Variants in AGTPBP1 observed in about 807,000 individuals in gnomAD.
AGTPBP1 encodes the protein ATP/GTP binding carboxypeptidase 1.
AGTPBP1 carries 70 observed loss-of-function variants against 143.9 expected under a neutral mutation model. The observed-to-expected ratio is 0.49, with a 90% CI of 0.40 to 0.59. The LOEUF (loss-of-function observed/expected upper bound fraction) is 0.59, where lower values mean the gene tolerates loss of function less well. AGTPBP1 is among the 20% of genes least tolerant of loss of function. The pLI is 0.00. For missense variants in AGTPBP1, 1,229 were observed against 1,464.5 expected (o/e 0.84, Z 2.62); for synonymous variants, 463 against 500.2 (o/e 0.93, Z 0.99).
chr9:85,562,273 T>G (rs1587629869), intron 25 of AGTPBP1, among the ~76,000 whole-genome samples: 1 of 144,238 alleles, frequency 6.9e-6, no homozygotes, highest in Admixed American at 6.8e-5. Context: ...AGAAAGCAAA[T>G]AATAATCTGG....
At chr9:85,706,838 T>G (rs1837042654) in intron 2 of AGTPBP1, among the ~76,000 whole-genome samples, 1 of 152,064 alleles carries the variant, frequency 6.6e-6, no homozygotes, top group Admixed American at 6.5e-5. Flanking sequence ...ATCGCGCCAC[T>G]GCACTCCAGC....
At chr9:85,554,927 A>C (rs1247292374) in intron 25 of AGTPBP1, among the ~76,000 whole-genome samples, 4 of 152,220 alleles carry the variant, frequency 2.6e-5, no homozygotes, top group Non-Finnish European at 5.9e-5. Flanking sequence ...AACTGAAATT[A>C]AGAACTCAAA....
chr9:85,664,780 TA>T (rs1385772920), intron 8 of AGTPBP1, among the ~76,000 whole-genome samples: 2 of 152,192 alleles, frequency 1.3e-5, no homozygotes, highest in Non-Finnish European at 2.9e-5. Context: ...TTAATCATGT[TA>T]AGAAGGTCTC....
chr9:85,578,880 T>G (rs748311242), intron 24 of AGTPBP1, 40 bp downstream of exon 24: 33 of 1,589,442 alleles, frequency 2.1e-5, no homozygotes, highest in Middle Eastern at 1.7e-4. Flanking sequence ...AGGAAAGTCT[T>G]CAAATATCTT....
chr9:85,627,403 T>C (rs1049154547), intron 14 of AGTPBP1, among the ~76,000 whole-genome samples: 4 of 152,196 alleles, frequency 2.6e-5, no homozygotes, highest in African/African-American at 4.8e-5. Context: ...ATTTCTGCCA[T>C]ACACATATGT....
At chr9:85,619,153 A>G in intron 16 of AGTPBP1, 22 bp from the exon 17 acceptor site, 1 of 1,611,146 alleles carries the variant, frequency 6.2e-7, no homozygotes, top group Non-Finnish European at 8.5e-7. Context: ...AGACAAAGAA[A>G]TCTGATGAAA....
chr9:85,726,976 T>C (rs1838534215), intron 1 of AGTPBP1, among the ~76,000 whole-genome samples: 1 of 152,076 alleles, frequency 6.6e-6, no homozygotes, highest in Non-Finnish European at 1.5e-5. Context: ...AAAGAGAAAC[T>C]GAAAAAAGTT....
At chr9:85,745,950 G>A (rs565538726), upstream of AGTPBP1, among the ~76,000 whole-genome samples, 3 of 152,282 alleles carry the variant, frequency 2.0e-5, no homozygotes, top group African/African-American at 4.8e-5. Flanking sequence ...GCTTGCACTG[G>A]TGAATGCCAG....
At chr9:85,692,662 A>G in intron 3 of AGTPBP1, 27 bp downstream of exon 3, 1 of 1,598,150 alleles carries the variant, frequency 6.3e-7, no homozygotes, top group African/African-American at 1.4e-5. Context: ...AAAGCATTTC[A>G]AAAACAAAGA....
the AGTPBP1 span, among the ~76,000 whole-genome samples, chr9:85,790,454 G>T: frequency 2.6e-5 from 4 of 152,110 alleles, no homozygotes. Context: ...CATACAAAGA[G>T]AAAGCATCAA....
intron 23 of AGTPBP1, among the ~76,000 whole-genome samples, chr9:85,585,186 G>A (rs745367780): frequency 6.6e-6 from 1 of 152,098 alleles, no homozygotes; most frequent in Non-Finnish European, 1.5e-5. Context: ...TGTAACAGAT[G>A]GCATCATCAA....
chr9:85,697,624 T>C (rs527247561), intron 2 of AGTPBP1, among the ~76,000 whole-genome samples: 1 of 151,850 alleles, frequency 6.6e-6, no homozygotes, highest in South Asian at 2.1e-4. Flanking sequence ...AGCTAACTTT[T>C]TGTATTTTTA....
intron 17 of AGTPBP1, among the ~76,000 whole-genome samples, chr9:85,618,668 A>G (rs928547543): frequency 2.0e-5 from 3 of 152,076 alleles, no homozygotes; most frequent in African/African-American, 7.2e-5. Flanking sequence ...ATAATATACC[A>G]TATTAACAGG....
At chr9:85,593,023 T>C (rs900415516) in intron 18 of AGTPBP1, among the ~76,000 whole-genome samples, 1 of 152,160 alleles carries the variant, frequency 6.6e-6, no homozygotes. Flanking sequence ...CAATGGCTAC[T>C]ACAATCAAGA....
the AGTPBP1 span, among the ~76,000 whole-genome samples, chr9:85,757,849 C>A: frequency 6.6e-6 from 1 of 151,994 alleles, no homozygotes; most frequent in East Asian, 1.9e-4. Context: ...ACTCTGGGAC[C>A]GATTTATTTT....
At chr9:85,683,156 A>G (rs1587894145) in intron 3 of AGTPBP1, among the ~76,000 whole-genome samples, 1 of 152,202 alleles carries the variant, frequency 6.6e-6, no homozygotes, top group East Asian at 1.9e-4. Flanking sequence ...TTAATGCTTA[A>G]AAGAATATAA....
chr9:85,740,593 T>C (rs544619752), intron 1 of AGTPBP1, among the ~76,000 whole-genome samples: 1 of 152,330 alleles, frequency 6.6e-6, no homozygotes, highest in South Asian at 2.1e-4. Flanking sequence ...CACAATACAA[T>C]TACAAAAATA....
At chr9:85,744,446 A>G (rs1409282968), upstream of AGTPBP1, among the ~76,000 whole-genome samples, 1 of 152,234 alleles carries the variant, frequency 6.6e-6, no homozygotes, top group African/African-American at 2.4e-5. Flanking sequence ...ATGTTGATCC[A>G]GGATTGTTTC....
rs146640096 is a variant in AGTPBP1, at chr9:85,655,655, T to C, written c.910-335A>G. Among the ~76,000 whole-genome samples the C allele has an allele frequency of 2.5e-3, 378 of 149,682 alleles. 2 individuals are homozygous for C. Among genetic ancestry groups the C allele is most frequent in the Non-Finnish European group, 4.4e-3 (297 of 67,672 alleles). On this transcript the variant is annotated intron_variant, in intron 10 of 25. Transcript: ENST00000357081. The stretch of plus-strand genomic sequence containing the variant: ...ATTTAAGGGAAAAGGGGGAAAAGGA[T>C]TAAGCAAGAAAATTTAAAAGGTGTA...
Sources: allele counts gnomAD v4.1 joint callset (sites outside exome capture counted in the v4.1 genomes callset), GRCh38; gene constraint gnomAD v4.1.1; transcripts MANE v1.5; gene names NCBI Gene and HGNC (gene_info 2026-07-23, HGNC 2026-07-21).